Variants in MNAT1 observed in about 807,000 individuals in gnomAD.
MNAT1 encodes the protein CDK-activating kinase assembly factor MAT1.
Under a neutral mutation model 42.0 loss-of-function variants are expected in MNAT1, and 43 were observed. That is an observed-to-expected ratio of 1.02 (90% confidence interval 0.80 to 1.32). The LOEUF (loss-of-function observed/expected upper bound fraction) is 1.32, where lower values mean the gene tolerates loss of function less well. MNAT1 is among the 40% of genes most tolerant of loss of function. The probability of loss-of-function intolerance (pLI) is 0.00; values close to 1 mark genes in which losing one functional copy is unlikely to be tolerated. For synonymous variants in MNAT1, 118 were observed against 120.0 expected (o/e 0.98, Z 0.11); for missense variants, 306 against 350.4 (o/e 0.87, Z 1.01).
chr14:60,968,201 C>A (rs773928487), intron 7 of MNAT1, 28 bp from the exon 8 acceptor site: 2 of 1,528,396 alleles, frequency 1.3e-6, no homozygotes, highest in South Asian at 2.3e-5. Flanking sequence ...CTTTGTATAT[C>A]AATGCTACAC....
chr14:60,748,314 T>G (rs1190131113), intron 1 of MNAT1, among the ~76,000 whole-genome samples: 1 of 152,192 alleles, frequency 6.6e-6, no homozygotes, highest in Admixed American at 6.5e-5. Context: ...CACTGCAGTC[T>G]TGACATCCCT....
rs3080602 is a variant in MNAT1 at position 60,942,003 on chromosome 14, C to CAAAAAAAAAA, written c.810-26206_810-26197dup. Among the ~76,000 whole-genome samples the CAAAAAAAAAA allele has an allele frequency of 1.3e-4, 4 of 29,940 alleles. 1 individual carries two copies. The highest frequency in any genetic ancestry group is 7.5e-4 in the African/African-American group (4 of 5,362). 19.6% of individuals were successfully genotyped at this position (29,940 alleles called of 152,430 possible). A position where few individuals can be genotyped will look rare whatever the true frequency, so the allele number is the denominator to read the frequency against. On this transcript the variant is annotated intron_variant, in intron 7 of 7. Transcript: ENST00000261245. Reference sequence around the variant, plus strand: ...TGGGCGACAGAATGAGGCTCCATCTCAAAAAAAAAAAAAAAAAAAAAAAAA... The same window carrying CAAAAAAAAAA: ...TGGGCGACAGAATGAGGCTCCATCTCAAAAAAAAAAAAAAAAAAAAAAAAAAAAAAAAAAA...
chr14:60,734,968 T>A lies in MNAT1; in HGVS notation c.89+17T>A. 6.2e-7 allele frequency: 1 copy of A among 1,612,932 alleles called. No homozygotes were observed. The highest frequency in any genetic ancestry group is 8.5e-7 in the Non-Finnish European group (1 of 1,178,972). On this transcript the variant is annotated intron_variant, in intron 1 of 7. Coordinates refer to ENST00000261245, the MANE Select transcript of MNAT1 (RefSeq NM_002431.4). The surrounding 1 kb of genome is among the most constrained non-coding windows in gnomAD (Gnocchi z 4.3). ...ACACACTCTGTGAGTTGGGCGGCAG[T>A]GGATTCCCTGGGGGAGAGACGCGCT...
intron 6 of MNAT1, among the ~76,000 whole-genome samples, chr14:60,851,458 A>G (rs1340083921): frequency 1.3e-5 from 2 of 151,938 alleles, no homozygotes; most frequent in Non-Finnish European, 2.9e-5. Flanking sequence ...TTTTTCCAAC[A>G]GCATATTCTC....
chr14:60,797,118 A>C (rs897060517), intron 2 of MNAT1, among the ~76,000 whole-genome samples: 2 of 151,990 alleles, frequency 1.3e-5, no homozygotes, highest in African/African-American at 2.4e-5. Context: ...GAAATAATTG[A>C]TATGTTTATT....
intron 6 of MNAT1, among the ~76,000 whole-genome samples, chr14:60,837,612 C>T (rs921570746): frequency 1.3e-5 from 2 of 152,162 alleles, no homozygotes; most frequent in African/African-American, 2.4e-5. Context: ...CAGAAATCAC[C>T]CGCCTTCTGC....
At chr14:60,814,676 A>G (rs1291850166) in intron 5 of MNAT1, among the ~76,000 whole-genome samples, 1 of 152,186 alleles carries the variant, frequency 6.6e-6, no homozygotes, top group Non-Finnish European at 1.5e-5. Flanking sequence ...GAGGTGAGAA[A>G]CTAAAGGAAA....
intron 1 of MNAT1, among the ~76,000 whole-genome samples, chr14:60,763,916 C>CAG (rs757530093): frequency 8.5e-5 from 13 of 152,178 alleles, no homozygotes; most frequent in Non-Finnish European, 1.8e-4. Context: ...TGTTTTGCTT[C>CAG]ATGTAAACTA....
intron 1 of MNAT1, among the ~76,000 whole-genome samples, chr14:60,767,804 C>T (rs975051604): frequency 1.3e-5 from 2 of 151,748 alleles, no homozygotes; most frequent in Non-Finnish European, 2.9e-5. Flanking sequence ...CTCACTCTGT[C>T]GCCAGGCTGG....
chr14:60,798,961 A>T (rs1285207881), intron 3 of MNAT1, among the ~76,000 whole-genome samples: 1 of 152,186 alleles, frequency 6.6e-6, no homozygotes, highest in African/African-American at 2.4e-5. Context: ...ATTAAAAATA[A>T]GATTATAATA....
At chr14:60,888,937 T>C (rs1195207500) in intron 7 of MNAT1, among the ~76,000 whole-genome samples, 1 of 130,004 alleles carries the variant, frequency 7.7e-6, no homozygotes, top group Non-Finnish European at 1.7e-5. Context: ...CACTGCTCAA[T>C]GAAATAAAAG....
chr14:60,909,210 A>T (rs1240065100), intron 7 of MNAT1, among the ~76,000 whole-genome samples: 1 of 152,064 alleles, frequency 6.6e-6, no homozygotes, highest in East Asian at 1.9e-4. Context: ...TTCATTGTAG[A>T]TTCTGGATAT....
chr14:60,940,605 GA>G (rs1163130970), intron 7 of MNAT1, among the ~76,000 whole-genome samples: 2 of 152,126 alleles, frequency 1.3e-5, no homozygotes, highest in Non-Finnish European at 2.9e-5. Context: ...TTTTAGTAGA[GA>G]GGGGGTTTCA....
At chr14:60,855,909 C>G (rs184761148) in intron 6 of MNAT1, among the ~76,000 whole-genome samples, 304 of 152,284 alleles carry the variant, frequency 2.0e-3, no homozygotes, top group Non-Finnish European at 3.7e-3. Flanking sequence ...TGCGTGTGTT[C>G]TACTCCACCA....
chr14:60,869,253 C>T (rs2034277234), intron 6 of MNAT1, among the ~76,000 whole-genome samples: 1 of 150,492 alleles, frequency 6.6e-6, no homozygotes. Flanking sequence ...GTTGCCCAGG[C>T]TGGTCTCAAA....
At chr14:60,909,823 A>G (rs2035306254) in intron 7 of MNAT1, among the ~76,000 whole-genome samples, 1 of 151,956 alleles carries the variant, frequency 6.6e-6, no homozygotes, top group Non-Finnish European at 1.5e-5. Context: ...TTTTGGTTCC[A>G]TATGAACTTT....
intron 7 of MNAT1, among the ~76,000 whole-genome samples, chr14:60,907,782 C>CAA (rs71114166): frequency 0.48 from 37,239 of 76,884 alleles, 11,668 homozygotes; most frequent in Non-Finnish European, 0.64. Context: ...AACTGTGTCT[C>CAA]AAAAAAAAAA....
chr14:60,861,565 A>T (rs982423113), intron 6 of MNAT1, among the ~76,000 whole-genome samples: 12 of 15,218 alleles, frequency 7.9e-4, no homozygotes, highest in Admixed American at 1.6e-3. Flanking sequence ...TTATTTTTTT[A>T]AAAAAATTTG....
At chr14:60,904,018 C>G (rs2035137502) in intron 7 of MNAT1, among the ~76,000 whole-genome samples, 1 of 151,994 alleles carries the variant, frequency 6.6e-6, no homozygotes, top group South Asian at 2.1e-4. Flanking sequence ...ACTGCAGGCA[C>G]CCGCCACCAC....
Sources: allele counts gnomAD v4.1 joint callset (sites outside exome capture counted in the v4.1 genomes callset), GRCh38; gene constraint gnomAD v4.1.1; non-coding constraint Gnocchi (gnomAD v3.1); transcripts MANE v1.5; gene names NCBI Gene and HGNC (gene_info 2026-07-23, HGNC 2026-07-21).